Variants in DIAPH2 observed in about 807,000 individuals in gnomAD.
The protein encoded by DIAPH2 is diaphanous related formin 2, also known as protein diaphanous homolog 2.
Under a neutral mutation model 92.7 loss-of-function variants are expected in DIAPH2, and 35 were observed. The ratio of observed to expected loss-of-function variants is 0.38; its 90% CI spans 0.29 to 0.50. DIAPH2 has a LOEUF of 0.50. Among genes scored for constraint, DIAPH2 ranks in the 20% least tolerant of loss-of-function variants. DIAPH2 has a pLI of 0.94. For missense variants in DIAPH2, 701 were observed against 819.5 expected, an observed-to-expected ratio of 0.86 and a Z score of 1.77; for synonymous variants, 301 against 280.4, an observed-to-expected ratio of 1.07 and a Z score of -0.73.
chrX:97,317,611 G>T (rs16982392), intron 23 of DIAPH2, among the ~76,000 whole-genome samples: 2,390 of 111,954 alleles, frequency 0.021, 73 homozygotes, highest in African/African-American at 0.073. Flanking sequence ...AAGCCATTTT[G>T]CAGGAGTGTG....
At chrX:96,935,837 G>A (rs778126129) in intron 10 of DIAPH2, among the ~76,000 whole-genome samples, 1 of 111,835 alleles carries the variant, frequency 8.9e-6, no homozygotes, top group South Asian at 3.7e-4. Flanking sequence ...TGAAATATTT[G>A]AAAGTGTTTA....
chrX:97,504,783 C>T (rs1295190856), intron 26 of DIAPH2, among the ~76,000 whole-genome samples: 1 of 111,906 alleles, frequency 8.9e-6, no homozygotes, highest in African/African-American at 3.2e-5. Flanking sequence ...TGTTTAAACC[C>T]AGAAAGATTT....
intron 26 of DIAPH2, among the ~76,000 whole-genome samples, chrX:97,455,665 A>G (rs2070397794): frequency 8.9e-6 from 1 of 112,325 alleles, no homozygotes; most frequent in Non-Finnish European, 1.9e-5. Flanking sequence ...CTCCTCTTAC[A>G]TGTAATAATC....
chrX:97,149,707 G>A (rs2067271477), intron 22 of DIAPH2, among the ~76,000 whole-genome samples: 2 of 61,434 alleles, frequency 3.3e-5, no homozygotes, highest in African/African-American at 1.2e-4. Flanking sequence ...CTCCAGCCTG[G>A]GCCACAAAGC....
At chrX:97,203,031 C>T (rs908140470) in intron 22 of DIAPH2, among the ~76,000 whole-genome samples, 4 of 112,115 alleles carry the variant, frequency 3.6e-5, no homozygotes, top group African/African-American at 6.5e-5. Flanking sequence ...CAAAGTCACA[C>T]GACTACGTGG....
chrX:96,993,982 A>G (rs2066088625), intron 17 of DIAPH2, among the ~76,000 whole-genome samples: 1 of 111,542 alleles, frequency 9.0e-6, no homozygotes, highest in South Asian at 3.8e-4. Context: ...TATGAAGGAC[A>G]GGAGGGAGGT....
In DIAPH2 at chrX:97,084,355, G is replaced by A. The variant is rs1207407575; in HGVS notation, c.2247+9094G>A. ...GCACATTGCTGGTTACATGATAGGC[G>A]CACAAAGAATGTCTTTTCCAGTGAG... is the stretch of plus-strand genomic sequence containing the variant. On this transcript the variant is annotated intron_variant, in intron 19 of 26. Coordinates refer to ENST00000324765, the MANE Select transcript of DIAPH2 (RefSeq NM_006729.5). Among the ~76,000 whole-genome samples, 7 of 111,734 alleles carry A rather than the reference G, an allele frequency of 6.3e-5. No individual in the cohort carries two copies. The South Asian group carries it at 2.3e-3, about 36-fold the overall frequency.
At chrX:97,085,800 T>G (rs1448788127) in intron 19 of DIAPH2, among the ~76,000 whole-genome samples, 1 of 112,116 alleles carries the variant, frequency 8.9e-6, no homozygotes, top group Non-Finnish European at 1.9e-5. Context: ...CAACTTTGAG[T>G]ATTTGTTCTA....
intron 25 of DIAPH2, among the ~76,000 whole-genome samples, chrX:97,407,485 G>A (rs916228485): frequency 6.3e-5 from 7 of 111,849 alleles, no homozygotes; most frequent in Admixed American, 5.7e-4. Flanking sequence ...TAAGTGCCCA[G>A]TGGTTATGCA....
At chrX:97,343,424 G>A (rs978725581) in intron 23 of DIAPH2, among the ~76,000 whole-genome samples, 27 of 111,620 alleles carry the variant, frequency 2.4e-4, no homozygotes, top group Non-Finnish European at 4.5e-4. Flanking sequence ...ATCCCAGCAC[G>A]TTGGGTGGCC....
intron 4 of DIAPH2, among the ~76,000 whole-genome samples, chrX:96,813,858 C>G (rs1333253949): frequency 8.9e-6 from 1 of 112,132 alleles, no homozygotes; most frequent in East Asian, 2.8e-4. Flanking sequence ...GGCCCCCTCT[C>G]TCTTCTGTCT....
At chrX:97,134,083 T>C (rs775910526) in intron 21 of DIAPH2, among the ~76,000 whole-genome samples, 2 of 111,867 alleles carry the variant, frequency 1.8e-5, no homozygotes. Context: ...AGACAAGACA[T>C]ACTATAGCAG....
At chrX:96,844,480 T>G (rs1176200791) in intron 4 of DIAPH2, among the ~76,000 whole-genome samples, 4 of 112,646 alleles carry the variant, frequency 3.6e-5, no homozygotes, top group Non-Finnish European at 7.5e-5. Flanking sequence ...CTTTACTAAG[T>G]CATTAGTTTA....
chrX:96,758,048 A>G, intron 3 of DIAPH2, 106 bp from the exon 4 acceptor site: 4 of 690,618 alleles, frequency 5.8e-6, no homozygotes, highest in Non-Finnish European at 8.2e-6. Context: ...TAGTCACCAC[A>G]TGAATTAGTA....
At chrX:97,134,748 A>T (rs2067159536) in intron 21 of DIAPH2, among the ~76,000 whole-genome samples, 1 of 111,492 alleles carries the variant, frequency 9.0e-6, no homozygotes, top group Admixed American at 9.5e-5. Context: ...CTTCAAGCCT[A>T]ATTATGCTGA....
intron 24 of DIAPH2, among the ~76,000 whole-genome samples, chrX:97,354,219 C>T (rs1042566188): frequency 6.3e-5 from 7 of 111,820 alleles, no homozygotes; most frequent in South Asian, 3.8e-4. Flanking sequence ...GACCTCCTGA[C>T]TGGTATCTGT....
intron 22 of DIAPH2, among the ~76,000 whole-genome samples, chrX:97,243,218 C>T (rs1318857179): frequency 9.2e-6 from 1 of 108,925 alleles, no homozygotes; most frequent in Non-Finnish European, 1.9e-5. Flanking sequence ...CAACCTGAGA[C>T]ACTAAACAAC....
intron 25 of DIAPH2, among the ~76,000 whole-genome samples, chrX:97,391,491 T>C (rs978095566): frequency 1.8e-5 from 2 of 111,873 alleles, no homozygotes; most frequent in Non-Finnish European, 1.9e-5. Context: ...AGGTATTTCA[T>C]GCATGGGACC....
intron 26 of DIAPH2, among the ~76,000 whole-genome samples, chrX:97,537,915 C>T (rs1029017108): frequency 1.7e-4 from 17 of 100,417 alleles, no homozygotes; most frequent in African/African-American, 5.9e-4. Context: ...GAGACAGTCT[C>T]GTTCTGTTGC....
Sources: allele counts gnomAD v4.1 joint callset (sites outside exome capture counted in the v4.1 genomes callset), GRCh38; gene constraint gnomAD v4.1.1; transcripts MANE v1.5; gene names NCBI Gene and HGNC (gene_info 2026-07-23, HGNC 2026-07-21).